The following LYPD5 variants were observed in gnomAD, a reference collection of about 807,000 sequenced individuals.
LYPD5 encodes LY6/PLAUR domain containing 5.
A neutral mutation model predicts 19.1 loss-of-function variants in LYPD5; 21 were observed. The observed-to-expected ratio is 1.10, with a 90% CI of 0.78 to 1.58. LYPD5 has a LOEUF of 1.58. Ranked by LOEUF, LYPD5 falls within the 40% of genes most tolerant of loss-of-function variation. The pLI, the probability that LYPD5 is intolerant of heterozygous loss-of-function variation, is 0.00. For synonymous variants in LYPD5, 128 were observed against 142.7 expected (o/e 0.90, Z 0.74); for missense variants, 287 against 329.8 (o/e 0.87, Z 1.00).
At chr19:43,804,012 A>G (rs1182462971), upstream of LYPD5, among the ~76,000 whole-genome samples, 1 of 151,866 alleles carries the variant, frequency 6.6e-6, no homozygotes, top group African/African-American at 2.4e-5. Context: ...TAATTTTTGT[A>G]TTTGTAGTAG....
Position 43,796,244 on chromosome 19 carries a change from G to C in LYPD5, c.*1347C>G, listed in dbSNP as rs1048372500. 1 of 152,176 alleles carries C rather than the reference G, an allele frequency of 6.6e-6. No individual in the cohort carries two copies. Among genetic ancestry groups the C allele is most frequent in the East Asian group, 1.9e-4 (1 of 5,202 alleles). 9.4% of individuals were successfully genotyped at this position (152,176 alleles called of 1,614,324 possible). On this transcript the variant is annotated 3_prime_UTR_variant, in exon 5 of 5. Transcript: ENST00000377950. ...GACACAAACATTCAGACAATAGCAGGATGCAACTTACTTTTTTGCTTCTCT... is the reference window on the plus strand; with the variant it reads ...GACACAAACATTCAGACAATAGCAGCATGCAACTTACTTTTTTGCTTCTCT...
upstream of LYPD5, among the ~76,000 whole-genome samples, chr19:43,806,837 C>T (rs1311771258): frequency 6.6e-6 from 1 of 152,182 alleles, no homozygotes; most frequent in Non-Finnish European, 1.5e-5. Context: ...CCCCACTCCC[C>T]AGGTCCATGG....
chr19:43,815,770 C>T (rs1487052081), intron 1 of LYPD5: 1 of 414,778 alleles, frequency 2.4e-6, no homozygotes, highest in Non-Finnish European at 4.8e-6. Flanking sequence ...CGGAGTTTCA[C>T]TTTGTCACCC....
chr19:43,802,811 C>T (rs1286140921), upstream of LYPD5, among the ~76,000 whole-genome samples: 1 of 152,108 alleles, frequency 6.6e-6, no homozygotes, highest in African/African-American at 2.4e-5. Context: ...ATCATCTAAA[C>T]CTTCTCTGAA....
chr19:43,817,240 AG>A (rs1361923691), intron 1 of LYPD5, among the ~76,000 whole-genome samples: 1 of 152,174 alleles, frequency 6.6e-6, no homozygotes, highest in African/African-American at 2.4e-5. Flanking sequence ...AGGGGGCATG[AG>A]AATGACTTGG....
chr19:43,813,001 T>G (rs1257851676), intron 1 of LYPD5, among the ~76,000 whole-genome samples: 1 of 152,182 alleles, frequency 6.6e-6, no homozygotes, highest in Non-Finnish European at 1.5e-5. Context: ...AGGTCTGGTG[T>G]CTGAGCCCCA....
At chr19:43,799,960 G>C in intron 1 of LYPD5, 126 bp from the exon 2 acceptor site, 2 of 1,137,228 alleles carry the variant, frequency 1.8e-6, no homozygotes, top group Non-Finnish European at 2.4e-6. Context: ...GACACGCCTT[G>C]AGAGACCAGG....
chr19:43,819,936 C>T (rs1970405359), intron 1 of LYPD5, among the ~76,000 whole-genome samples: 1 of 152,100 alleles, frequency 6.6e-6, no homozygotes, highest in African/African-American at 2.4e-5. Flanking sequence ...TCAGAAGGCC[C>T]AAATTAGCAA....
In LYPD5 at chr19:43,815,730, T is replaced by TTTTTA. The variant is rs374130604; in HGVS notation, c.-66+4805_-66+4809dup. 2,224 of 414,852 alleles carry TTTTTA rather than the reference T, an allele frequency of 5.4e-3. 39 individuals carry two copies. Among genetic ancestry groups the TTTTTA allele is most frequent in the African/African-American group, 0.042 (2,036 of 48,262 alleles). The allele number at this position is 414,852 out of a possible 1,614,324, so 25.7% of individuals were successfully genotyped here. A position where few individuals can be genotyped will look rare whatever the true frequency, so the allele number is the denominator to read the frequency against. On this transcript the variant is annotated intron_variant, in intron 1 of 4. Transcript: ENST00000414615. The stretch of plus-strand genomic sequence containing the variant: ...CACATCTATATATACCCATCTATTA[T>TTTTTA]TTTTATTTTATTTTATTTTATTTTT...
At chr19:43,800,371 C>T (rs1429662874) in intron 1 of LYPD5, among the ~76,000 whole-genome samples, 1 of 152,148 alleles carries the variant, frequency 6.6e-6, no homozygotes, top group Non-Finnish European at 1.5e-5. Context: ...CTGAATGCAC[C>T]CAGGCAGAGT....
intron 1 of LYPD5, among the ~76,000 whole-genome samples, chr19:43,808,257 C>T (rs1225915078): frequency 6.6e-6 from 1 of 152,120 alleles, no homozygotes; most frequent in Non-Finnish European, 1.5e-5. Context: ...AGGTGTCTGC[C>T]ACCACGCCTG....
chr19:43,798,709 C>CGT, intron 3 of LYPD5, 103 bp downstream of exon 3: 1 of 1,573,778 alleles, frequency 6.4e-7, no homozygotes, highest in South Asian at 1.2e-5. Flanking sequence ...GGGTTGGGAT[C>CGT]CTAGCGCGCC....
intron 1 of LYPD5, among the ~76,000 whole-genome samples, chr19:43,808,545 G>T (rs1057460680): frequency 6.6e-6 from 1 of 152,154 alleles, no homozygotes; most frequent in Admixed American, 6.5e-5. Flanking sequence ...TGTAATTAAA[G>T]GGTTCGTTTA....
At chr19:43,802,540 G>GTTTTTC, upstream of LYPD5, 1 of 569,780 alleles carries the variant, frequency 1.8e-6, no homozygotes, top group Non-Finnish European at 3.1e-6. Context: ...AATCGTGATG[G>GTTTTTC]AAACAGGGTG....
At chr19:43,817,624 A>G (rs2356400) in intron 1 of LYPD5, among the ~76,000 whole-genome samples, 86,038 of 152,014 alleles carry the variant, frequency 0.57, 24,849 homozygotes, top group South Asian at 0.72. Context: ...CATCCTCTAA[A>G]TTTTGATGAT....
Position 43,797,743 on chromosome 19 carries a change from C to A in LYPD5, c.604G>T (p.Asp202Tyr). The A allele has an allele frequency of 6.2e-7, 1 of 1,613,516 alleles. No homozygotes were observed. The highest frequency in any genetic ancestry group is 1.1e-5 in the South Asian group (1 of 91,034). The change falls in exon 5 of 5, where the codon GAC (aspartate) becomes TAC (tyrosine). Residue 202 changes from aspartate to tyrosine, a missense_variant. Asp to Tyr is a radical substitution (Grantham distance 160, BLOSUM62 -3). Transcript: ENST00000377950. The stretch of plus-strand genomic sequence containing the variant: ...CCCTCACAGCAGGAGCCCTGGAGGT[C>A]GATGGCTGTCCAGGGGCTGGTGGTG... ...EGTTSPWTAIDLQGSCCEGYL... is the reference protein window; with the variant it reads ...EGTTSPWTAIYLQGSCCEGYL...
In LYPD5 at chr19:43,798,794, C is replaced by T. The variant is rs1288793440; in HGVS notation, c.370+18G>A. 4.4e-6 allele frequency: 7 copies of T among 1,597,670 alleles called. No individual in the cohort carries two copies. The highest frequency in any genetic ancestry group is 6.0e-6 in the Non-Finnish European group (7 of 1,172,126). On this transcript the variant is annotated intron_variant, in intron 3 of 4. Transcript: ENST00000377950. ...TCTCATCGTCCCTCCCGGAGCCCAG[C>T]CCCGCTCTCCCGCGCACCTTGGCTC... is the stretch of plus-strand genomic sequence containing the variant.
At chr19:43,819,146 A>C (rs1457349648) in intron 1 of LYPD5, among the ~76,000 whole-genome samples, 2 of 152,044 alleles carry the variant, frequency 1.3e-5, no homozygotes, top group Non-Finnish European at 2.9e-5. Flanking sequence ...CTATTGCATC[A>C]GTGTTTTCTA....
intron 1 of LYPD5, among the ~76,000 whole-genome samples, chr19:43,816,523 T>C (rs1478849858): frequency 1.3e-5 from 2 of 152,204 alleles, no homozygotes; most frequent in African/African-American, 4.8e-5. Flanking sequence ...CTCCTAAATG[T>C]CAGAGATCAA....
Sources: gnomAD v4.1 joint callset for allele counts (sites outside exome capture counted in the v4.1 genomes callset) on GRCh38, gnomAD v4.1.1 for gene constraint, MANE v1.5 for transcripts, NCBI Gene and HGNC (gene_info 2026-07-23, HGNC 2026-07-21) for gene names.